Variants in NMI observed in about 807,000 individuals in gnomAD.
The protein encoded by NMI is N-myc-interactor.
In NMI, 39 loss-of-function variants were observed where a neutral mutation model predicts 34.3. The ratio of observed to expected loss-of-function variants is 1.14; its 90% CI spans 0.88 to 1.49. NMI has a LOEUF of 1.49. NMI is among the 40% of genes most tolerant of loss of function. NMI has a pLI of 0.00. For synonymous variants in NMI, 113 were observed against 120.3 expected, an observed-to-expected ratio of 0.94 and a Z score of 0.40; for missense variants, 339 against 358.1, an observed-to-expected ratio of 0.95 and a Z score of 0.43.
intron 1 of NMI, among the ~76,000 whole-genome samples, chr2:151,284,259 C>T (rs1683455335): frequency 6.6e-6 from 1 of 152,080 alleles, no homozygotes; most frequent in South Asian, 2.1e-4. Context: ...TATTTCAATA[C>T]AATTGATTTA....
chr2:151,280,986 A>T (rs1162360602), intron 3 of NMI, among the ~76,000 whole-genome samples: 1 of 151,650 alleles, frequency 6.6e-6, no homozygotes, highest in Non-Finnish European at 1.5e-5. Flanking sequence ...GGATACAGGC[A>T]CCCGCCACCA....
rs79804227 is a variant in NMI, at chr2:151,287,728, C to A, written c.-7+1865G>T. 4.3e-3 allele frequency among the ~76,000 whole-genome samples: 649 copies of A among 152,268 alleles called. 5 individuals are homozygous for A. Among genetic ancestry groups the A allele is most frequent in the African/African-American group, 0.015 (623 of 41,544 alleles). On this transcript the variant is annotated intron_variant, in intron 1 of 7. Coordinates refer to ENST00000243346, the MANE Select transcript of NMI (RefSeq NM_004688.3). ...ACCTATGTCATTTTCCGTGACACAT[C>A]AGTAAACATGTTGAGGGCTGGGACC...
intron 1 of NMI, among the ~76,000 whole-genome samples, chr2:151,283,747 G>A (rs1196925925): frequency 1.3e-5 from 2 of 151,968 alleles, no homozygotes; most frequent in Non-Finnish European, 2.9e-5. Context: ...TCTCCTGCTG[G>A]GTCCATAAAC....
intron 1 of NMI, among the ~76,000 whole-genome samples, chr2:151,283,684 C>G (rs1683447467): frequency 6.6e-6 from 1 of 152,164 alleles, no homozygotes; most frequent in South Asian, 2.1e-4. Flanking sequence ...GTCAAGAGGC[C>G]TCCAACATAT....
rs112814922 is a variant in NMI at position 151,273,626 on chromosome 2, A to G, written c.634+1858T>C. On this transcript the variant is annotated intron_variant, in intron 6 of 7. Transcript: ENST00000243346. ...CAACCTCCACCCCCCAGGTTCAAGC[A>G]ATTCTCCTGCCTCAGCCTCCCAAGT... Among the ~76,000 whole-genome samples, 370 of 152,228 alleles carry G rather than the reference A, an allele frequency of 2.4e-3. 2 individuals are homozygous for G. The highest frequency in any genetic ancestry group is 0.02 in the South Asian group (97 of 4,824).
intron 7 of NMI, 119 bp from the exon 8 acceptor site, chr2:151,270,994 G>C: frequency 2.4e-6 from 2 of 845,870 alleles, no homozygotes; most frequent in Non-Finnish European, 3.6e-6. Flanking sequence ...AGAAATCTTA[G>C]GAAGATTTTC....
intron 3 of NMI, among the ~76,000 whole-genome samples, chr2:151,280,746 T>A (rs371221172): frequency 6.6e-6 from 1 of 152,108 alleles, no homozygotes; most frequent in Admixed American, 6.5e-5. Flanking sequence ...CTTAACAGAG[T>A]CTTCTGCACA....
At chr2:151,279,602 G>A (rs763607120) in intron 3 of NMI, among the ~76,000 whole-genome samples, 5 of 151,848 alleles carry the variant, frequency 3.3e-5, no homozygotes, top group Admixed American at 6.6e-5. Context: ...TCAGTCTCCC[G>A]CGTAGCTGGA....
At chr2:151,277,034 T>G (rs955598295) in intron 4 of NMI, among the ~76,000 whole-genome samples, 1 of 152,254 alleles carries the variant, frequency 6.6e-6, no homozygotes, top group Admixed American at 6.5e-5. Context: ...CAGTTGTTGA[T>G]ATTTGGGGCT....
In NMI at chr2:151,287,433, C is replaced by T. The variant is rs888011399; in HGVS notation, c.-7+2160G>A. On this transcript the variant is annotated intron_variant, in intron 1 of 7. Coordinates refer to ENST00000243346, the MANE Select transcript of NMI (RefSeq NM_004688.3). ...TCAGCCATGGTCTGATACATTCTAACTCCAACTCACTTTCCCGTCCTATTT... is the reference window on the plus strand; with the variant it reads ...TCAGCCATGGTCTGATACATTCTAATTCCAACTCACTTTCCCGTCCTATTT... Among the ~76,000 whole-genome samples, 3 of 152,042 alleles carry T rather than the reference C, an allele frequency of 2.0e-5. No individual in the cohort carries two copies. In the South Asian group the frequency reaches 6.2e-4, roughly 32 times the overall value.
chr2:151,281,852 T>C (rs960429707), intron 3 of NMI, 96 bp downstream of exon 3: 15 of 702,706 alleles, frequency 2.1e-5, no homozygotes, highest in South Asian at 1.2e-4. Flanking sequence ...TGGATGATGA[T>C]AAGGTTTTAA....
In NMI at chr2:151,274,344, CAAAAAAAAAAAAA is replaced by C. The variant is rs773276443; in HGVS notation, c.634+1127_634+1139del. Among the ~76,000 whole-genome samples the C allele has an allele frequency of 3.8e-4, 21 of 54,674 alleles. 1 individual carries two copies. The highest frequency in any genetic ancestry group is 1.4e-3 in the African/African-American group (20 of 14,326). The allele number at this position is 54,674 out of a possible 152,430, so 35.9% of individuals were successfully genotyped here. The stretch of plus-strand genomic sequence containing the variant: ...GGCGACAGAGCAAGACTCTGTCTCA[CAAAAAAAAAAAAA>C]AAAAAAAAAAAAAAAAGGATATTGA... On this transcript the variant is annotated intron_variant, in intron 6 of 7. Coordinates refer to ENST00000243346, the MANE Select transcript of NMI (RefSeq NM_004688.3).
chr2:151,275,621 T>G lies in NMI; in HGVS notation c.497A>C (p.Asp166Ala). The G allele has an allele frequency of 6.2e-7, 1 of 1,614,166 alleles. No individual in the cohort carries two copies. The highest frequency in any genetic ancestry group is 2.2e-5 in the East Asian group (1 of 44,876). ...TCTCATTTGATCTTCACGCAATGTG[T>G]CAGGAATTTCAGTAACATTGATTTT... ...KMKINVTEIP[D>A]TLREDQMRDK... Residue 166 changes from aspartate (D) to alanine (A), a missense_variant, in exon 6 of 8, where the codon GAC (aspartate) becomes GCC (alanine). Physicochemically the swap from Asp to Ala is moderately radical, Grantham distance 126. Transcript: ENST00000243346.
At chr2:151,282,672 C>G (rs948873452) in intron 2 of NMI, 196 bp downstream of exon 2, 2 of 361,970 alleles carry the variant, frequency 5.5e-6, no homozygotes, top group Non-Finnish European at 9.9e-6. Flanking sequence ...GTGTTGTAAG[C>G]CTTATAAGAG....
chr2:151,272,431 T>C lies in NMI; in HGVS notation c.635-699A>G, dbSNP rs4664306. Among the ~76,000 whole-genome samples the C allele has an allele frequency of 2.7e-3, 413 of 152,324 alleles. 9 individuals are homozygous for C. Among genetic ancestry groups the C allele is most frequent in the Admixed American group, 0.024 (360 of 15,296 alleles). ...CAATGATTAAGAGTGTAGGCCCTCA[T>C]TGGCGAGAATATGGAGAAATTGAAA... On this transcript the variant is annotated intron_variant, in intron 6 of 7. Transcript: ENST00000243346.
intron 6 of NMI, among the ~76,000 whole-genome samples, chr2:151,273,454 G>T (rs186814784): frequency 1.9e-3 from 293 of 152,300 alleles, no homozygotes; most frequent in Middle Eastern, 3.4e-3. Flanking sequence ...AAGGACACAG[G>T]TTCCAAAGCT....
intron 1 of NMI, among the ~76,000 whole-genome samples, chr2:151,284,026 A>G (rs1683451656): frequency 6.6e-6 from 1 of 152,176 alleles, no homozygotes; most frequent in Non-Finnish European, 1.5e-5. Flanking sequence ...TATATCAAAC[A>G]TTTGCTTTTT....
At chr2:151,282,699 A>G (rs1037711883) in intron 2 of NMI, 169 bp downstream of exon 2, 2 of 416,630 alleles carry the variant, frequency 4.8e-6, no homozygotes, top group South Asian at 5.0e-5. Flanking sequence ...TAAAAATATG[A>G]CACTTCTTGT....
intron 6 of NMI, among the ~76,000 whole-genome samples, chr2:151,274,983 T>C (rs908554938): frequency 1.4e-4 from 22 of 151,836 alleles, no homozygotes; most frequent in Non-Finnish European, 2.6e-4. Flanking sequence ...TGGCCTCAAG[T>C]AATCCTCCCA....
Sources: gnomAD v4.1 joint callset for allele counts (sites outside exome capture counted in the v4.1 genomes callset) on GRCh38, gnomAD v4.1.1 for gene constraint, MANE v1.5 for transcripts, NCBI Gene and HGNC (gene_info 2026-07-23, HGNC 2026-07-21) for gene names.